Variants in GRK5 observed in about 807,000 individuals in gnomAD.
The protein encoded by GRK5 is G protein-coupled receptor kinase 5, also known as g protein-coupled receptor kinase GRK5.
GRK5 carries 40 observed loss-of-function variants against 78.4 expected under a neutral mutation model. That is an observed-to-expected ratio of 0.51 (90% CI 0.40 to 0.66). The LOEUF is 0.66. GRK5 is among the 30% of genes least tolerant of loss of function. The probability of loss-of-function intolerance (pLI) is 0.00; values close to 1 mark genes in which losing one functional copy is unlikely to be tolerated. For missense variants in GRK5, 598 were observed against 759.9 expected, an observed-to-expected ratio of 0.79 and a Z score of 2.50; for synonymous variants, 289 against 296.8, an observed-to-expected ratio of 0.97 and a Z score of 0.27.
In GRK5 at chr10:119,441,224, C is replaced by T. The variant is rs566250912; in HGVS notation, c.968-775C>T. Among the ~76,000 whole-genome samples the T allele has an allele frequency of 7.9e-5, 12 of 152,348 alleles. No homozygotes were observed. In the South Asian group the frequency reaches 2.3e-3, roughly 29 times the overall value. ...TGCTATCCTGACTGTCAGCCCCCAC[C>T]GAGCCAGGGAGTCCACACGGCTCCA... On this transcript the variant is annotated intron_variant, in intron 10 of 15. Transcript: ENST00000392870.
chr10:119,427,016 A>G (rs1040816958), intron 6 of GRK5, among the ~76,000 whole-genome samples: 2 of 151,972 alleles, frequency 1.3e-5, no homozygotes, highest in Non-Finnish European at 2.9e-5. Flanking sequence ...CACAGCCATC[A>G]GCAGCATCAC....
chr10:119,224,018 C>T (rs572591543), intron 1 of GRK5, among the ~76,000 whole-genome samples: 5 of 152,196 alleles, frequency 3.3e-5, no homozygotes, highest in South Asian at 2.1e-4. Context: ...ACCCCAAGTC[C>T]GGCACGGTGG....
intron 2 of GRK5, among the ~76,000 whole-genome samples, chr10:119,349,906 C>T (rs1851164106): frequency 6.6e-6 from 1 of 152,220 alleles, no homozygotes; most frequent in Admixed American, 6.5e-5. Flanking sequence ...GTCTTCACTC[C>T]CTGTGGAAGG....
chr10:119,399,515 A>G (rs1852112529), intron 4 of GRK5, among the ~76,000 whole-genome samples: 1 of 152,160 alleles, frequency 6.6e-6, no homozygotes, highest in African/African-American at 2.4e-5. Flanking sequence ...TGTGTGTCTC[A>G]GCTCTGAGCA....
intron 1 of GRK5, among the ~76,000 whole-genome samples, chr10:119,276,297 G>A (rs891016032): frequency 6.6e-6 from 1 of 151,336 alleles, no homozygotes; most frequent in Non-Finnish European, 1.5e-5. Flanking sequence ...TCCCCTTCCT[G>A]TGTCTATGTG....
intron 9 of GRK5, among the ~76,000 whole-genome samples, chr10:119,437,967 A>G (rs1210230046): frequency 1.3e-5 from 2 of 152,186 alleles, no homozygotes; most frequent in Non-Finnish European, 2.9e-5. Flanking sequence ...ATGCGGTGGC[A>G]CGCGCCTGTA....
chr10:119,275,611 T>TCTCTCTCG (rs574879389), intron 1 of GRK5, among the ~76,000 whole-genome samples: 7,108 of 123,766 alleles, frequency 0.057, 201 homozygotes, highest in Middle Eastern at 0.13. Context: ...TCTCTCTCTC[T>TCTCTCTCG]CGCACACACA....
At chr10:119,429,922 C>G (rs1852780999) in intron 6 of GRK5, among the ~76,000 whole-genome samples, 1 of 152,170 alleles carries the variant, frequency 6.6e-6, no homozygotes, top group South Asian at 2.1e-4. Context: ...GACTGAGATG[C>G]ACAGGTGTAG....
chr10:119,315,161 G>A (rs951426654), intron 1 of GRK5, among the ~76,000 whole-genome samples: 15 of 152,124 alleles, frequency 9.9e-5, no homozygotes, highest in African/African-American at 1.4e-4. Context: ...TCCTACCCCC[G>A]CCCCATACCA....
intron 1 of GRK5, among the ~76,000 whole-genome samples, chr10:119,270,911 G>A (rs927196014): frequency 5.3e-5 from 8 of 152,256 alleles, no homozygotes; most frequent in Non-Finnish European, 1.2e-4. Flanking sequence ...GTTTGAGTGA[G>A]TTGGCATGCT....
intron 2 of GRK5, among the ~76,000 whole-genome samples, chr10:119,351,511 T>C (rs1344359466): frequency 6.6e-6 from 1 of 152,186 alleles, no homozygotes; most frequent in African/African-American, 2.4e-5. Flanking sequence ...CCATGTAAGA[T>C]GTGCCTTTCC....
At chr10:119,410,625 A>G (rs1193543135) in intron 4 of GRK5, among the ~76,000 whole-genome samples, 1 of 152,120 alleles carries the variant, frequency 6.6e-6, no homozygotes, top group Non-Finnish European at 1.5e-5. Context: ...TTGGTTGCTC[A>G]TAGCCCTGAG....
rs1851653994 is a variant in GRK5 at position 119,378,159 on chromosome 10, A to G, written c.149-2656A>G. On this transcript the variant is annotated intron_variant, in intron 2 of 15. Coordinates refer to ENST00000392870, the MANE Select transcript of GRK5 (RefSeq NM_005308.3). This position sits in a 1 kb window ranked among gnomAD's most constrained non-coding sequence, Gnocchi z 4.5. ...ACACACACTCCTGCTGACCTCTCCA[A>G]TCTGAGTCCAAGCTCCCTGCGGGCT... 1 of 152,534 alleles carries G rather than the reference A, an allele frequency of 6.6e-6. No individual in the cohort carries two copies. The highest frequency in any genetic ancestry group is 1.5e-5 in the Non-Finnish European group (1 of 68,112). 9.4% of individuals were successfully genotyped at this position (152,534 alleles called of 1,614,324 possible). A position where few individuals can be genotyped will look rare whatever the true frequency, so the allele number is the denominator to read the frequency against.
intron 2 of GRK5, among the ~76,000 whole-genome samples, chr10:119,345,263 C>T (rs569989726): frequency 2.1e-3 from 324 of 152,326 alleles, no homozygotes; most frequent in African/African-American, 7.4e-3. Context: ...CCACCGCGCC[C>T]GGCCACAGAC....
At chr10:119,429,399 T>G (rs1237987940) in intron 6 of GRK5, among the ~76,000 whole-genome samples, 1 of 151,732 alleles carries the variant, frequency 6.6e-6, no homozygotes, top group Non-Finnish European at 1.5e-5. Context: ...TGGTCGGGAC[T>G]TTTGAGGAAT....
At chr10:119,210,505 AC>A (rs1848470077) in intron 1 of GRK5, among the ~76,000 whole-genome samples, 1 of 152,212 alleles carries the variant, frequency 6.6e-6, no homozygotes, top group African/African-American at 2.4e-5. Flanking sequence ...AATTTATTTT[AC>A]TAAACTTAGT....
At chr10:119,391,247 C>T (rs1851883383) in intron 3 of GRK5, among the ~76,000 whole-genome samples, 1 of 152,262 alleles carries the variant, frequency 6.6e-6, no homozygotes, top group African/African-American at 2.4e-5. Context: ...CTAGAGAACA[C>T]TTTGCCCAGG....
At chr10:119,368,156 G>A (rs1006573949) in intron 2 of GRK5, among the ~76,000 whole-genome samples, 2 of 152,246 alleles carry the variant, frequency 1.3e-5, no homozygotes, top group Admixed American at 6.5e-5. Context: ...CCAGGGCAGC[G>A]TGCAGGAAGG....
intron 13 of GRK5, among the ~76,000 whole-genome samples, chr10:119,451,123 C>G (rs959501902): frequency 2.4e-5 from 3 of 125,918 alleles, no homozygotes; most frequent in Non-Finnish European, 4.8e-5. Context: ...TGCCAGCCCC[C>G]CACAGTCATC....
Sources: gnomAD v4.1 joint callset for allele counts (sites outside exome capture counted in the v4.1 genomes callset) on GRCh38, gnomAD v4.1.1 for gene constraint, Gnocchi (gnomAD v3.1) non-coding constraint, MANE v1.5 for transcripts, NCBI Gene and HGNC (gene_info 2026-07-23, HGNC 2026-07-21) for gene names.